PRICKLE2: variants seen among roughly 807,000 people sequenced by gnomAD.
PRICKLE2 encodes the protein prickle-like protein 2.
Under a neutral mutation model 81.4 loss-of-function variants are expected in PRICKLE2, and 21 were observed. The observed-to-expected ratio is 0.26, with a 90% CI of 0.18 to 0.37. PRICKLE2 has a LOEUF of 0.37. PRICKLE2 is among the 10% of genes least tolerant of loss of function. The pLI, the probability that PRICKLE2 is intolerant of heterozygous loss-of-function variation, is 1.00. For synonymous variants in PRICKLE2, 456 were observed against 421.5 expected (o/e 1.08, Z -1.00); for missense variants, 940 against 1,109.0 (o/e 0.85, Z 2.16).
At chr3:64,258,893 G>GAAATAAATAAATAAATAAATAAAT (rs1553663533) in intron 2 of PRICKLE2, among the ~76,000 whole-genome samples, 3 of 140,976 alleles carry the variant, frequency 2.1e-5, no homozygotes, top group African/African-American at 8.3e-5. Flanking sequence ...AAGAAAGAAA[G>GAAATAAATAAATAAATAAATAAAT]AAATCAGGAG....
At chr3:64,261,229 A>G (rs1270880322) in intron 2 of PRICKLE2, among the ~76,000 whole-genome samples, 1 of 152,216 alleles carries the variant, frequency 6.6e-6, no homozygotes, top group Non-Finnish European at 1.5e-5. Flanking sequence ...TACAACCCCC[A>G]GGAAGTAAGA....
chr3:64,185,208 CTT>C (rs2078202631), intron 2 of PRICKLE2, among the ~76,000 whole-genome samples: 2 of 152,146 alleles, frequency 1.3e-5, no homozygotes, highest in Admixed American at 1.3e-4. Context: ...GACACCACCT[CTT>C]TTTTCCTAAC....
intron 1 of PRICKLE2, among the ~76,000 whole-genome samples, chr3:64,219,146 G>A (rs2078913757): frequency 6.6e-6 from 1 of 152,074 alleles, no homozygotes; most frequent in South Asian, 2.1e-4. Context: ...TCTAAAACTT[G>A]ACCTTTTAGT....
intron 1 of PRICKLE2, among the ~76,000 whole-genome samples, chr3:64,222,920 G>A (rs1295054100): frequency 6.6e-6 from 1 of 152,190 alleles, no homozygotes; most frequent in Non-Finnish European, 1.5e-5. Flanking sequence ...CTTTAAGGCT[G>A]CCTAAGCCCC....
chr3:64,169,012 C>T (rs973470488), intron 2 of PRICKLE2, among the ~76,000 whole-genome samples: 9 of 152,050 alleles, frequency 5.9e-5, no homozygotes, highest in African/African-American at 2.2e-4. Context: ...TTAACAATAC[C>T]CTCATTTGAC....
In PRICKLE2 at chr3:64,262,771, G is replaced by A. The variant is rs561756001; in HGVS notation, c.129-63804C>T. On this transcript the variant is annotated intron_variant, in intron 2 of 8. Coordinates refer to the PRICKLE2 transcript ENST00000295902. ...GACAAACCCTGCTGACAGGCAGAGG[G>A]TGACCTTGACATCTCTTAACATATT... Among the ~76,000 whole-genome samples the A allele has an allele frequency of 2.0e-5, 3 of 152,240 alleles. No homozygotes were observed. The South Asian group carries it at 6.2e-4, about 32-fold the overall frequency.
At chr3:64,213,288 C>T (rs566141250) in intron 1 of PRICKLE2, among the ~76,000 whole-genome samples, 8 of 151,968 alleles carry the variant, frequency 5.3e-5, no homozygotes, top group East Asian at 3.9e-4. Flanking sequence ...CATGTTGGCC[C>T]GGCTGGTCTC....
intron 2 of PRICKLE2, among the ~76,000 whole-genome samples, chr3:64,164,179 C>A (rs1463926347): frequency 1.3e-5 from 2 of 152,032 alleles, no homozygotes; most frequent in Non-Finnish European, 1.5e-5. Flanking sequence ...CAGTTTGAGA[C>A]CAGCCTGGCC....
rs760815434 is a variant in PRICKLE2, at chr3:64,160,070, T to G, written c.266A>C (p.Tyr89Ser). ...CTCTTCCTCATCCAGGGAGTTGCAATATCGAACCTGAATAGACACAGACAA... is the reference window on the plus strand; with the variant it reads ...CTCTTCCTCATCCAGGGAGTTGCAAGATCGAACCTGAATAGACACAGACAA... ...QLPPHDNEVR[Y>S]CNSLDEEEKR... is the part of the protein sequence containing the mutation. Residue 89 changes from tyrosine to serine, a missense_variant, in exon 4 of 8, where the codon TAT becomes TCT. Physicochemically the swap from Tyr to Ser is moderately radical, Grantham distance 144. This residue lies in a region of PRICKLE2 where 270 missense variants were observed against 391.8 expected (regional missense o/e 0.69). Coordinates refer to ENST00000638394, the MANE Select transcript of PRICKLE2 (RefSeq NM_198859.4). 1 of 1,614,044 alleles carries G rather than the reference T, an allele frequency of 6.2e-7. No individual in the cohort carries two copies. The highest frequency in any genetic ancestry group is 8.5e-7 in the Non-Finnish European group (1 of 1,179,996).
intron 1 of PRICKLE2, among the ~76,000 whole-genome samples, chr3:64,210,318 ACACT>A (rs2107134613): frequency 6.6e-6 from 1 of 152,138 alleles, no homozygotes; most frequent in Non-Finnish European, 1.5e-5. Context: ...TTTTTGGCAA[ACACT>A]CAGTCTGAAT....
rs377396927 is a variant in PRICKLE2, at chr3:64,159,761, G to A, written c.396+179C>T. On this transcript the variant is annotated intron_variant, in intron 4 of 7. Transcript: ENST00000638394. ...TTCTATTTTGTTGATTACATATATT[G>A]TCTGACTTCCTCCCCTAGAATCCAA... Among the ~76,000 whole-genome samples the A allele has an allele frequency of 5.3e-5, 8 of 152,212 alleles. No homozygotes were observed. In the East Asian group the frequency reaches 1.4e-3, roughly 26 times the overall value.
chr3:64,239,994 G>T (rs958891097), intron 2 of PRICKLE2, among the ~76,000 whole-genome samples: 18 of 146,988 alleles, frequency 1.2e-4, no homozygotes, highest in African/African-American at 3.3e-4. Context: ...AGCCCAGCAT[G>T]TGACTATAGT....
chr3:64,163,988 A>G (rs2077780711), intron 2 of PRICKLE2: 1 of 151,948 alleles, frequency 6.6e-6, no homozygotes, highest in Non-Finnish European at 1.5e-5. Flanking sequence ...AAATACTCTC[A>G]AGTATCTCTT....
intron 1 of PRICKLE2, among the ~76,000 whole-genome samples, chr3:64,219,551 AT>A (rs1275933141): frequency 6.6e-6 from 1 of 152,186 alleles, no homozygotes; most frequent in Non-Finnish European, 1.5e-5. Flanking sequence ...TCACACTTTC[AT>A]TCCAAAAGCC....
At chr3:64,203,377 G>A (rs1488035685) in intron 1 of PRICKLE2, among the ~76,000 whole-genome samples, 1 of 152,090 alleles carries the variant, frequency 6.6e-6, no homozygotes. Flanking sequence ...TATGACTTAA[G>A]GAAAAACAAG....
At chr3:64,219,791 A>G (rs1022964191) in intron 1 of PRICKLE2, among the ~76,000 whole-genome samples, 1 of 152,236 alleles carries the variant, frequency 6.6e-6, no homozygotes, top group Non-Finnish European at 1.5e-5. Flanking sequence ...AATGGTGGAC[A>G]GGATTTGGAC....
intron 1 of PRICKLE2, among the ~76,000 whole-genome samples, chr3:64,219,439 G>T (rs2078918056): frequency 6.6e-6 from 1 of 152,146 alleles, no homozygotes; most frequent in African/African-American, 2.4e-5. Flanking sequence ...GTTTAGACCA[G>T]AAGAATTCCC....
intron 2 of PRICKLE2, among the ~76,000 whole-genome samples, chr3:64,261,568 G>A (rs1305202233): frequency 4.6e-5 from 7 of 152,106 alleles, no homozygotes; most frequent in Non-Finnish European, 7.4e-5. Flanking sequence ...CATGGAGCAA[G>A]GCTAGGCAGG....
intron 1 of PRICKLE2, among the ~76,000 whole-genome samples, chr3:64,212,527 T>A (rs1235434942): frequency 2.6e-5 from 4 of 152,190 alleles, no homozygotes; most frequent in Admixed American, 2.0e-4. Flanking sequence ...CCTGCTGAAG[T>A]ACTTGTTTAG....
Sources: gnomAD v4.1 joint callset for allele counts (sites outside exome capture counted in the v4.1 genomes callset) on GRCh38, gnomAD v4.1.1 for gene constraint, gnomAD v4.1.1 regional missense constraint, MANE v1.5 for transcripts, NCBI Gene and HGNC (gene_info 2026-07-23, HGNC 2026-07-21) for gene names.